Variants in PXDC1 observed in about 807,000 individuals in gnomAD.
The protein encoded by PXDC1 is PX domain-containing protein 1.
PXDC1 carries 13 observed loss-of-function variants against 24.4 expected under a neutral mutation model. That is an observed-to-expected ratio of 0.53 (90% CI 0.35 to 0.85). The LOEUF (loss-of-function observed/expected upper bound fraction) is 0.85, where lower values mean the gene tolerates loss of function less well. Among genes scored for constraint, PXDC1 ranks in the 40% least tolerant of loss-of-function variants. The probability of loss-of-function intolerance (pLI) is 0.01; values close to 1 mark genes in which losing one functional copy is unlikely to be tolerated. For missense variants in PXDC1, 344 were observed against 309.3 expected, an observed-to-expected ratio of 1.11 and a Z score of -0.84; for synonymous variants, 162 against 124.9, an observed-to-expected ratio of 1.30 and a Z score of -1.98.
rs1760005635 is a variant in PXDC1 at position 3,724,227 on chromosome 6, G to A, written c.579-491C>T. ...CTGGAGAAGAGCCGGCGAGGCCCGTGGAGGTCACGGGGGGAGACACCTTCT... is the reference window on the plus strand; with the variant it reads ...CTGGAGAAGAGCCGGCGAGGCCCGTAGAGGTCACGGGGGGAGACACCTTCT... On this transcript the variant is annotated intron_variant, in intron 4 of 4. Transcript: ENST00000380283. The surrounding 1 kb of genome is among the most constrained non-coding windows in gnomAD (Gnocchi z 4.5). Among the ~76,000 whole-genome samples, 1 of 152,166 alleles carries A rather than the reference G, an allele frequency of 6.6e-6. No homozygotes were observed. Among genetic ancestry groups the A allele is most frequent in the Non-Finnish European group, 1.5e-5 (1 of 68,016 alleles).
At chr6:3,736,591 T>C (rs1199635164) in intron 3 of PXDC1, among the ~76,000 whole-genome samples, 1 of 152,204 alleles carries the variant, frequency 6.6e-6, no homozygotes, top group Non-Finnish European at 1.5e-5. Flanking sequence ...GTCACCAAAC[T>C]TGGACTGGCC....
In PXDC1 at chr6:3,737,251, G is replaced by T; in HGVS notation, c.349-55C>A. 7.9e-7 allele frequency: 1 copy of T among 1,267,534 alleles called. No individual in the cohort carries two copies. The highest frequency in any genetic ancestry group is 1.2e-6 in the Non-Finnish European group (1 of 867,034). The allele number at this position is 1,267,534 out of a possible 1,614,324, so 78.5% of individuals were successfully genotyped here. A position where few individuals can be genotyped will look rare whatever the true frequency, so the allele number is the denominator to read the frequency against. ...CGATCAGCCTCTACACGTTGGCCCTGTCTGTCTACCAAGAGAGGGCCCCGC... is the reference window on the plus strand; with the variant it reads ...CGATCAGCCTCTACACGTTGGCCCTTTCTGTCTACCAAGAGAGGGCCCCGC... On this transcript the variant is annotated intron_variant, in intron 2 of 4. Coordinates refer to ENST00000380283, the MANE Select transcript of PXDC1 (RefSeq NM_183373.4). This position sits in a 1 kb window ranked among gnomAD's most constrained non-coding sequence, Gnocchi z 5.5.
intron 3 of PXDC1, 113 bp from the exon 4 acceptor site, chr6:3,727,775 C>T (rs1375383386): frequency 1.2e-5 from 8 of 688,988 alleles, no homozygotes; most frequent in Admixed American, 6.6e-5. Flanking sequence ...GCCCGTGCCT[C>T]TCTTCCACAC....
intron 1 of PXDC1, among the ~76,000 whole-genome samples, chr6:3,747,234 C>G (rs1760591092): frequency 6.6e-6 from 1 of 152,120 alleles, no homozygotes; most frequent in Non-Finnish European, 1.5e-5. Context: ...CATCTGCACA[C>G]TACTCCACAC....
At chr6:3,736,715 C>T (rs527571361) in intron 3 of PXDC1, among the ~76,000 whole-genome samples, 53 of 152,214 alleles carry the variant, frequency 3.5e-4, no homozygotes, top group Non-Finnish European at 7.1e-4. Context: ...CCCCTAAAAG[C>T]AAGAACCAAA....
In PXDC1 at chr6:3,724,711, G is replaced by A. The variant is rs117692241; in HGVS notation, c.579-975C>T. Among the ~76,000 whole-genome samples, 37 of 152,338 alleles carry A rather than the reference G, an allele frequency of 2.4e-4. No homozygotes were observed. In the East Asian group the frequency reaches 6.6e-3, roughly 27 times the overall value. ...AGGTGGCCCTGGCCCGTGGACAACT[G>A]TGGGAACTCAGCCATCTCTGGAAAG... On this transcript the variant is annotated intron_variant, in intron 4 of 4. Transcript: ENST00000380283. The surrounding 1 kb of genome is among the most constrained non-coding windows in gnomAD (Gnocchi z 4.5).
intron 1 of PXDC1, among the ~76,000 whole-genome samples, chr6:3,750,581 C>A (rs1760683165): frequency 6.6e-6 from 1 of 152,228 alleles, no homozygotes; most frequent in Non-Finnish European, 1.5e-5. Flanking sequence ...AAAAGGGAAG[C>A]CACCGCGGTT....
rs1157606448 is a variant in PXDC1, at chr6:3,722,663, T to C, written c.*956A>G. ...TAATTAAAATAGATTAAAAACAGAC[T>C]GTGTAAAAGAATTAGAATTCTCAAT... On this transcript the variant is annotated 3_prime_UTR_variant, in exon 5 of 5. Transcript: ENST00000380283. 1 of 152,642 alleles carries C rather than the reference T, an allele frequency of 6.6e-6. No homozygotes were observed. Among genetic ancestry groups the C allele is most frequent in the African/African-American group, 2.4e-5 (1 of 41,442 alleles). The allele number at this position is 152,642 out of a possible 1,614,324, so 9.5% of individuals were successfully genotyped here.
At chr6:3,730,824 G>A (rs1438754651) in intron 3 of PXDC1, among the ~76,000 whole-genome samples, 3 of 152,240 alleles carry the variant, frequency 2.0e-5, no homozygotes, top group South Asian at 2.1e-4. Flanking sequence ...CAAGCATGGC[G>A]TGTCTCAGTG....
intron 1 of PXDC1, among the ~76,000 whole-genome samples, chr6:3,744,451 C>A (rs1391769573): frequency 7.4e-6 from 1 of 135,396 alleles, no homozygotes; most frequent in South Asian, 2.1e-4. Context: ...AGCAGGGGAT[C>A]CCCCCCACAC....
At chr6:3,741,376 G>A (rs906730230) in intron 1 of PXDC1, among the ~76,000 whole-genome samples, 1 of 152,220 alleles carries the variant, frequency 6.6e-6, no homozygotes, top group Admixed American at 6.5e-5. Context: ...GGAAAGTGAA[G>A]AGCTGGAATC....
intron 1 of PXDC1, among the ~76,000 whole-genome samples, chr6:3,748,011 A>G (rs1157833208): frequency 2.0e-5 from 3 of 152,264 alleles, no homozygotes; most frequent in Admixed American, 2.0e-4. Context: ...TGGCTCAGAC[A>G]TCACAAAGCC....
intron 1 of PXDC1, among the ~76,000 whole-genome samples, chr6:3,744,617 G>A (rs1246135068): frequency 6.6e-6 from 1 of 152,248 alleles, no homozygotes; most frequent in Non-Finnish European, 1.5e-5. Context: ...AAAGGGCCTT[G>A]CCCATGAGGG....
Position 3,725,206 on chromosome 6 carries a change from C to T in PXDC1, c.579-1470G>A, listed in dbSNP as rs1370126766. Among the ~76,000 whole-genome samples the T allele has an allele frequency of 2.6e-5, 4 of 152,208 alleles. No individual in the cohort carries two copies. The highest frequency in any genetic ancestry group is 7.2e-5 in the African/African-American group (3 of 41,456). On this transcript the variant is annotated intron_variant, in intron 4 of 4. Transcript: ENST00000380283. The surrounding 1 kb of genome is among the most constrained non-coding windows in gnomAD (Gnocchi z 4.8). ...TCGAGGGACAGAGCCACAGCGCCAC[C>T]TCAAACAGTGTCCCACCACCTGCCC... is the stretch of plus-strand genomic sequence containing the variant.
Position 3,723,541 on chromosome 6 carries a change from G to T in PXDC1, c.*78C>A. ...GTTCCAGAGCTGGGGCAGCAGCTGT[G>T]ACCATGGGGGCCAGCACAGTGGACA... On this transcript the variant is annotated 3_prime_UTR_variant, in exon 5 of 5. Transcript: ENST00000380283. 1 of 1,134,080 alleles carries T rather than the reference G, an allele frequency of 8.8e-7. No homozygotes were observed. Among genetic ancestry groups the T allele is most frequent in the Non-Finnish European group, 1.3e-6 (1 of 752,316 alleles). The allele number at this position is 1,134,080 out of a possible 1,614,324, so 70.3% of individuals were successfully genotyped here.
chr6:3,742,562 A>G (rs1760472107), intron 1 of PXDC1, among the ~76,000 whole-genome samples: 1 of 152,184 alleles, frequency 6.6e-6, no homozygotes, highest in South Asian at 2.1e-4. Flanking sequence ...AGGACTGACC[A>G]GCAGGGGGCG....
At chr6:3,741,844 C>T (rs1333836198) in intron 1 of PXDC1, among the ~76,000 whole-genome samples, 2 of 152,170 alleles carry the variant, frequency 1.3e-5, no homozygotes, top group Non-Finnish European at 2.9e-5. Flanking sequence ...TTCCCTACTC[C>T]CCTTCAATTG....
At chr6:3,741,586 C>G (rs1353344203) in intron 1 of PXDC1, among the ~76,000 whole-genome samples, 2 of 152,226 alleles carry the variant, frequency 1.3e-5, no homozygotes, top group Admixed American at 1.3e-4. Flanking sequence ...GATCCCTTCC[C>G]CAGGAGGGGC....
chr6:3,751,049 T>C (rs987568330), intron 1 of PXDC1: 5 of 461,818 alleles, frequency 1.1e-5, no homozygotes, highest in Non-Finnish European at 1.9e-5. Context: ...CCCGCCCCAT[T>C]TGGCTCCTCC....
Sources: allele counts gnomAD v4.1 joint callset (sites outside exome capture counted in the v4.1 genomes callset), GRCh38; gene constraint gnomAD v4.1.1; non-coding constraint Gnocchi (gnomAD v3.1); transcripts MANE v1.5; gene names NCBI Gene and HGNC (gene_info 2026-07-23, HGNC 2026-07-21).